The following MICAL3 variants were observed in gnomAD, a reference collection of about 807,000 sequenced individuals.
The protein encoded by MICAL3 is microtubule associated monooxygenase, calponin and LIM domain containing 3.
A neutral mutation model predicts 207.4 loss-of-function variants in MICAL3; 62 were observed. The observed-to-expected ratio is 0.30, with a 90% CI of 0.24 to 0.37. MICAL3 has a LOEUF of 0.37. MICAL3 is among the 10% of genes least tolerant of loss of function. The pLI, the probability that MICAL3 is intolerant of heterozygous loss-of-function variation, is 1.00. For synonymous variants in MICAL3, 1,077 were observed against 1,069.3 expected (o/e 1.01, Z -0.14); for missense variants, 2,368 against 2,635.6 (o/e 0.90, Z 2.22).
At chr22:17,898,107 T>TAA (rs11381999) in intron 7 of MICAL3, among the ~76,000 whole-genome samples, 1,921 of 148,220 alleles carry the variant, frequency 0.013, 39 homozygotes, top group African/African-American at 0.041. Context: ...CCTGCCCTCT[T>TAA]AAAAAAAAAA....
In MICAL3 at chr22:17,831,978, A is replaced by G. The variant is rs1279363088; in HGVS notation, c.2931T>C (p.Ser977=). The change falls in exon 21 of 32, where the codon AGT becomes AGC. Residue 977 remains serine, a synonymous_variant. Coordinates refer to ENST00000441493, the MANE Select transcript of MICAL3 (RefSeq NM_015241.3). Reference sequence around the variant, plus strand: ...TCTTTGAGGCCTCTAGCTCCTCTTCACTTTTCCCTTTCAGAAGGGCATGGA... The same window carrying G: ...TCTTTGAGGCCTCTAGCTCCTCTTCGCTTTTCCCTTTCAGAAGGGCATGGA... The part of the protein sequence containing the change: ...VRIHALLKGK[S]EEELEASKSF... 11 of 1,598,470 alleles carry G rather than the reference A, an allele frequency of 6.9e-6. No individual in the cohort carries two copies. The highest frequency in any genetic ancestry group is 9.4e-6 in the Non-Finnish European group (11 of 1,173,232).
chr22:17,944,466 C>G (rs999430809), intron 1 of MICAL3, among the ~76,000 whole-genome samples: 1 of 152,160 alleles, frequency 6.6e-6, no homozygotes, highest in African/African-American at 2.4e-5. Flanking sequence ...CCCGCCTGTT[C>G]AAGCATATTA....
At chr22:17,797,416 C>T (rs1283563006) in intron 29 of MICAL3, among the ~76,000 whole-genome samples, 1 of 152,160 alleles carries the variant, frequency 6.6e-6, no homozygotes, top group Non-Finnish European at 1.5e-5. Context: ...GCTGCTTGAG[C>T]CCGGGAGGTC....
chr22:17,875,682 TA>T (rs60415785), intron 16 of MICAL3: 8,182 of 170,264 alleles, frequency 0.048, no homozygotes, highest in South Asian at 0.13. Context: ...CCATGTATAG[TA>T]AAAAAAAAAA....
intron 22 of MICAL3, among the ~76,000 whole-genome samples, chr22:17,825,380 C>T (rs930497087): frequency 6.6e-6 from 1 of 152,014 alleles, no homozygotes; most frequent in Non-Finnish European, 1.5e-5. Flanking sequence ...GTGCTAGAAG[C>T]TGCCACGCAG....
chr22:17,958,637 C>A (rs1056208318), intron 1 of MICAL3, among the ~76,000 whole-genome samples: 1 of 152,140 alleles, frequency 6.6e-6, no homozygotes, highest in East Asian at 1.9e-4. Flanking sequence ...GAACTGACCA[C>A]AAGAAGTGGG....
intron 1 of MICAL3, among the ~76,000 whole-genome samples, chr22:18,011,241 C>T (rs760905622): frequency 3.3e-5 from 5 of 152,198 alleles, no homozygotes; most frequent in Admixed American, 6.5e-5. Flanking sequence ...CAGATGTTCC[C>T]AGCCTTATCA....
intron 28 of MICAL3, 140 bp downstream of exon 28, chr22:17,810,563 T>C: frequency 1.5e-6 from 1 of 647,964 alleles, no homozygotes. Flanking sequence ...CAGCCAAAGG[T>C]GACCTGGGTG....
At chr22:17,978,417 G>A (rs1055479283) in intron 1 of MICAL3, among the ~76,000 whole-genome samples, 1 of 152,150 alleles carries the variant, frequency 6.6e-6, no homozygotes, top group Non-Finnish European at 1.5e-5. Flanking sequence ...ACTCCTATGG[G>A]TACAAGGCTT....
chr22:17,841,587 A>G lies in MICAL3; in HGVS notation c.2801+235T>C, dbSNP rs1284122562. 1.7e-6 allele frequency: 1 copy of G among 580,710 alleles called. No homozygotes were observed. Among genetic ancestry groups the G allele is most frequent in the Middle Eastern group, 4.5e-4 (1 of 2,206 alleles). 36.0% of individuals were successfully genotyped at this position (580,710 alleles called of 1,614,324 possible). A position where few individuals can be genotyped will look rare whatever the true frequency, so the allele number is the denominator to read the frequency against. On this transcript the variant is annotated intron_variant, in intron 20 of 31. Coordinates refer to ENST00000441493, the MANE Select transcript of MICAL3 (RefSeq NM_015241.3). The surrounding 1 kb of genome is among the most constrained non-coding windows in gnomAD (Gnocchi z 4.2). Reference sequence around the variant, plus strand: ...CAATGACAGACTTGGAGCTGGGGACATGTCAGGTCCTCAAGGAATAAATAC... The same window carrying G: ...CAATGACAGACTTGGAGCTGGGGACGTGTCAGGTCCTCAAGGAATAAATAC...
intron 1 of MICAL3, among the ~76,000 whole-genome samples, chr22:17,919,076 G>GTTTTTTTTTTTT (rs35096617): frequency 0.026 from 3,587 of 135,658 alleles, 133 homozygotes; most frequent in African/African-American, 0.055. Flanking sequence ...GTTTTTGTGG[G>GTTTTTTTTTTTT]TTTTTTTTTT....
intron 22 of MICAL3, chr22:17,826,638 G>T: frequency 3.2e-6 from 1 of 308,338 alleles, no homozygotes; most frequent in Non-Finnish European, 4.7e-6. Flanking sequence ...CAGGACAGAC[G>T]CCTGTCTGGC....
intron 1 of MICAL3, among the ~76,000 whole-genome samples, chr22:17,997,527 C>G (rs753189987): frequency 1.3e-5 from 2 of 152,186 alleles, no homozygotes; most frequent in Non-Finnish European, 2.9e-5. Flanking sequence ...TAAAGCCCGT[C>G]CAACCCCACC....
At chr22:17,892,777 G>T (rs996516748) in intron 11 of MICAL3, among the ~76,000 whole-genome samples, 3 of 152,240 alleles carry the variant, frequency 2.0e-5, no homozygotes, top group Middle Eastern at 3.4e-3. Flanking sequence ...ATCCACCCTG[G>T]CATCCCAATG....
At chr22:17,976,561 GTATATATATATATATA>G (rs751076102) in intron 1 of MICAL3, among the ~76,000 whole-genome samples, 1 of 80,080 alleles carries the variant, frequency 1.2e-5, no homozygotes, top group Non-Finnish European at 2.2e-5. Flanking sequence ...GTGTGTGTGT[GTATATATATATATATA>G]TATATATATA....
chr22:17,959,653 A>G (rs1934803690), intron 1 of MICAL3, among the ~76,000 whole-genome samples: 1 of 152,318 alleles, frequency 6.6e-6, no homozygotes, highest in South Asian at 2.1e-4. Flanking sequence ...CGCAGCCAGC[A>G]CCAGTGGAGG....
rs769609713 is a variant in MICAL3 at position 17,817,294 on chromosome 22, C to T, written c.5350+17G>A. 9.5e-6 allele frequency: 15 copies of T among 1,572,298 alleles called. No individual in the cohort carries two copies. Among genetic ancestry groups the T allele is most frequent in the Non-Finnish European group, 1.0e-5 (12 of 1,159,050 alleles). On this transcript the variant is annotated intron_variant, in intron 26 of 31. Transcript: ENST00000441493. ...CCCTCCCGCTCTGCCTGCACGCGGA[C>T]CCGGCTGCTGACGCACCTGCCCTTA...
intron 29 of MICAL3, among the ~76,000 whole-genome samples, chr22:17,804,665 G>A (rs2061972485): frequency 6.6e-6 from 1 of 152,160 alleles, no homozygotes; most frequent in Non-Finnish European, 1.5e-5. Context: ...CTGGGCTTGA[G>A]CAGGCGGTCC....
chr22:17,856,941 G>A (rs1454143264), intron 19 of MICAL3, among the ~76,000 whole-genome samples: 1 of 152,148 alleles, frequency 6.6e-6, no homozygotes, highest in Non-Finnish European at 1.5e-5. Context: ...ACTTTTAAAA[G>A]AACCTACTGA....
Sources: allele counts gnomAD v4.1 joint callset (sites outside exome capture counted in the v4.1 genomes callset), GRCh38; gene constraint gnomAD v4.1.1; non-coding constraint Gnocchi (gnomAD v3.1); transcripts MANE v1.5; gene names NCBI Gene and HGNC (gene_info 2026-07-23, HGNC 2026-07-21).